The following NELL2 variants were observed in gnomAD, a reference collection of about 807,000 sequenced individuals.
The protein encoded by NELL2 is protein kinase C-binding protein NELL2.
NELL2 carries 41 observed loss-of-function variants against 109.6 expected under a neutral mutation model. The ratio of observed to expected loss-of-function variants is 0.37; its 90% CI spans 0.29 to 0.49. The LOEUF (loss-of-function observed/expected upper bound fraction) is 0.49, where lower values mean the gene tolerates loss of function less well. Among genes scored for constraint, NELL2 ranks in the 20% least tolerant of loss-of-function variants. NELL2 has a pLI of 0.98. For synonymous variants in NELL2, 355 were observed against 344.7 expected, an observed-to-expected ratio of 1.03 and a Z score of -0.33; for missense variants, 900 against 1,008.3, an observed-to-expected ratio of 0.89 and a Z score of 1.45.
chr12:44,688,608 G>A (rs946439381), intron 12 of NELL2, among the ~76,000 whole-genome samples: 5 of 152,200 alleles, frequency 3.3e-5, no homozygotes, highest in Admixed American at 6.5e-5. Context: ...GCAGAGGTAA[G>A]AATTCAAGTC....
At chr12:44,621,765 ATAAAG>A (rs1946070329) in intron 13 of NELL2, among the ~76,000 whole-genome samples, 1 of 152,132 alleles carries the variant, frequency 6.6e-6, no homozygotes, top group African/African-American at 2.4e-5. Context: ...AACAAAGAAA[ATAAAG>A]TAAATAAACA....
intron 12 of NELL2, among the ~76,000 whole-genome samples, chr12:44,683,068 ATTTG>A (rs1208689773): frequency 6.6e-6 from 1 of 152,160 alleles, no homozygotes; most frequent in Non-Finnish European, 1.5e-5. Context: ...ATGTTCCTCC[ATTTG>A]TTTGTATCCT....
At chr12:44,679,160 C>T (rs536482873) in intron 12 of NELL2, among the ~76,000 whole-genome samples, 3 of 152,078 alleles carry the variant, frequency 2.0e-5, no homozygotes, top group African/African-American at 4.8e-5. Flanking sequence ...CTATTACTCC[C>T]GGGAGGAGAG....
chr12:44,648,986 G>A (rs1424761301), intron 13 of NELL2, among the ~76,000 whole-genome samples: 3 of 147,448 alleles, frequency 2.0e-5, no homozygotes, highest in Non-Finnish European at 3.0e-5. Flanking sequence ...GACTGGTTTC[G>A]AACTCCTGAA....
chr12:44,732,412 T>C (rs758566757), intron 9 of NELL2, among the ~76,000 whole-genome samples: 17 of 152,050 alleles, frequency 1.1e-4, no homozygotes, highest in Non-Finnish European at 2.1e-4. Flanking sequence ...CTCACTTACA[T>C]ACAGGCAAAT....
chr12:44,722,164 C>A (rs1037719640), intron 9 of NELL2, among the ~76,000 whole-genome samples: 10 of 151,860 alleles, frequency 6.6e-5, no homozygotes, highest in African/African-American at 1.9e-4. Flanking sequence ...ATGGTAACAC[C>A]TGGTGAAAAT....
intron 13 of NELL2, among the ~76,000 whole-genome samples, chr12:44,638,296 A>T (rs1946723850): frequency 6.6e-6 from 1 of 152,132 alleles, no homozygotes; most frequent in Non-Finnish European, 1.5e-5. Context: ...TCTCATCTAA[A>T]GTCATTACAG....
chr12:44,737,615 T>C (rs1939719561), intron 9 of NELL2, among the ~76,000 whole-genome samples: 8 of 152,200 alleles, frequency 5.3e-5, no homozygotes, highest in Admixed American at 4.6e-4. Context: ...TCTCAGAGTA[T>C]TGTTACATGG....
intron 5 of NELL2, among the ~76,000 whole-genome samples, chr12:44,777,637 TA>T (rs1303124068): frequency 1.3e-5 from 2 of 152,168 alleles, no homozygotes; most frequent in Admixed American, 6.5e-5. Flanking sequence ...AAATGACCTT[TA>T]AAAAAATCAA....
chr12:44,789,165 C>T (rs1474402649), intron 3 of NELL2, among the ~76,000 whole-genome samples: 3 of 152,160 alleles, frequency 2.0e-5, no homozygotes, highest in South Asian at 2.1e-4. Context: ...AAAGTGCCAC[C>T]TCCCAGCAGG....
intron 3 of NELL2, among the ~76,000 whole-genome samples, chr12:44,801,456 T>C (rs1444635587): frequency 6.6e-6 from 1 of 152,054 alleles, no homozygotes; most frequent in Non-Finnish European, 1.5e-5. Flanking sequence ...CTGAAGGAAG[T>C]AGAAAGCTCA....
chr12:44,528,097 C>CAAAAAA lies in NELL2; in HGVS notation c.1804+4478_1804+4483dup, dbSNP rs71093812. Among the ~76,000 whole-genome samples, 58 of 21,998 alleles carry CAAAAAA rather than the reference C, an allele frequency of 2.6e-3. 2 individuals carry two copies. Among genetic ancestry groups the CAAAAAA allele is most frequent in the South Asian group, 7.2e-3 (2 of 278 alleles). 14.4% of individuals were successfully genotyped at this position (21,998 alleles called of 152,430 possible). The stretch of plus-strand genomic sequence containing the variant: ...TGGGCGACAGAGCGAGACTCCGTCT[C>CAAAAAA]AAAAAAAAAAAAAAAAAAAAAAAAA... On this transcript the variant is annotated intron_variant, in intron 16 of 19. Transcript: ENST00000429094.
chr12:44,725,119 A>G (rs1385782224), intron 9 of NELL2, among the ~76,000 whole-genome samples: 2 of 152,200 alleles, frequency 1.3e-5, no homozygotes, highest in Admixed American at 6.5e-5. Flanking sequence ...AAATCAACTC[A>G]GGATGAATTA....
At chr12:44,535,227 T>C (rs1592082166) in intron 15 of NELL2, among the ~76,000 whole-genome samples, 1 of 152,164 alleles carries the variant, frequency 6.6e-6, no homozygotes, top group Non-Finnish European at 1.5e-5. Flanking sequence ...TAGGTAAATA[T>C]GGCTGTTCCT....
chr12:44,548,440 G>A (rs1458552758), intron 15 of NELL2, among the ~76,000 whole-genome samples: 1 of 151,968 alleles, frequency 6.6e-6, no homozygotes, highest in Non-Finnish European at 1.5e-5. Context: ...AGCTACTTGG[G>A]AGGCTTAGTC....
chr12:44,810,949 C>T (rs960372553), intron 3 of NELL2, among the ~76,000 whole-genome samples: 6 of 152,002 alleles, frequency 3.9e-5, no homozygotes, highest in Non-Finnish European at 7.4e-5. Context: ...AATTAACAAA[C>T]ATGTATACAC....
intron 16 of NELL2, among the ~76,000 whole-genome samples, chr12:44,526,251 T>C (rs1259847376): frequency 6.6e-6 from 1 of 152,156 alleles, no homozygotes; most frequent in East Asian, 1.9e-4. Flanking sequence ...GACCAGTTAA[T>C]AACTGTTTCC....
chr12:44,820,189 T>C (rs1943493384), intron 2 of NELL2, among the ~76,000 whole-genome samples: 1 of 152,190 alleles, frequency 6.6e-6, no homozygotes, highest in South Asian at 2.1e-4. Flanking sequence ...AAACGTATTG[T>C]TCCCCCTTAA....
At chr12:44,827,631 C>T (rs533399215) in intron 2 of NELL2, among the ~76,000 whole-genome samples, 11 of 152,238 alleles carry the variant, frequency 7.2e-5, no homozygotes, top group South Asian at 6.2e-4. Context: ...CAGTTCCACC[C>T]ATGTTGCAAA....
Sources: allele counts gnomAD v4.1 joint callset (sites outside exome capture counted in the v4.1 genomes callset), GRCh38; gene constraint gnomAD v4.1.1; transcripts MANE v1.5; gene names NCBI Gene and HGNC (gene_info 2026-07-23, HGNC 2026-07-21).